SSH2: variants seen among roughly 807,000 people sequenced by gnomAD.
The protein encoded by SSH2 is protein phosphatase Slingshot homolog 2.
SSH2 carries 37 observed loss-of-function variants against 135.2 expected under a neutral mutation model. That is an observed-to-expected ratio of 0.27 (90% CI 0.21 to 0.36). The LOEUF (loss-of-function observed/expected upper bound fraction) is 0.36, where lower values mean the gene tolerates loss of function less well. SSH2 is among the 10% of genes least tolerant of loss of function. The pLI is 1.00. For missense variants in SSH2, 1,408 were observed against 1,765.3 expected, an observed-to-expected ratio of 0.80 and a Z score of 3.63; for synonymous variants, 628 against 646.2, an observed-to-expected ratio of 0.97 and a Z score of 0.43.
chr17:29,679,509 C>T (rs1322673055), intron 6 of SSH2, among the ~76,000 whole-genome samples: 1 of 151,984 alleles, frequency 6.6e-6, no homozygotes, highest in African/African-American at 2.4e-5. Context: ...CTGGTTCAAG[C>T]GATTCTCCTG....
At position 29,671,925 on chromosome 17, in the gene SSH2, A is replaced by G; in HGVS notation, c.809+10T>C. 1.2e-6 allele frequency: 2 copies of G among 1,608,574 alleles called. No homozygotes were observed. The highest frequency in any genetic ancestry group is 1.7e-6 in the Non-Finnish European group (2 of 1,176,144). On this transcript the variant is annotated intron_variant, in intron 9 of 15. Coordinates refer to ENST00000540801, the MANE Select transcript of SSH2 (RefSeq NM_001282129.2). ...AGAGAACTTCCATAATCCTTAGCAAACTGACTTACATGTCGGTGAAGAGAG... is the reference window on the plus strand; with the variant it reads ...AGAGAACTTCCATAATCCTTAGCAAGCTGACTTACATGTCGGTGAAGAGAG...
At chr17:29,813,197 A>G (rs1384527071) in intron 2 of SSH2, among the ~76,000 whole-genome samples, 4 of 151,848 alleles carry the variant, frequency 2.6e-5, no homozygotes. Flanking sequence ...AGCTTGGCCA[A>G]CATGGCGAAA....
chr17:29,701,402 CTCTTT>C (rs2038973768), intron 4 of SSH2, among the ~76,000 whole-genome samples: 1 of 125,084 alleles, frequency 8.0e-6, no homozygotes, highest in Non-Finnish European at 1.6e-5. Context: ...CCGTGCCTGG[CTCTTT>C]TTTTTTTTTT....
intron 3 of SSH2, among the ~76,000 whole-genome samples, chr17:29,709,013 T>TAGAGAGAGAGAG (rs779414759): frequency 1.6e-4 from 14 of 88,174 alleles, no homozygotes; most frequent in Middle Eastern, 6.4e-3. Context: ...TATATATATA[T>TAGAGAGAGAGAG]ATAGAGAGAG....
chr17:29,632,440 G>C lies in SSH2; in HGVS notation c.2754C>G (p.Thr918=), dbSNP rs751034338. The change falls in exon 16 of 16, where the codon ACC becomes ACG. Residue 918 remains threonine, a synonymous_variant. Coordinates refer to ENST00000540801, the MANE Select transcript of SSH2 (RefSeq NM_001282129.2). ...QEHHGAAPTC[T]SLSTRKNSKN... ...TTGAATTCTTACGAGTGGACAATGA[G>C]GTACATGTTGGGGCAGCACCATGAT... 3.1e-6 allele frequency: 5 copies of C among 1,614,198 alleles called. No individual in the cohort carries two copies. In the East Asian group the frequency reaches 1.1e-4, roughly 36 times the overall value.
chr17:29,711,149 T>A (rs2039419232), intron 3 of SSH2, among the ~76,000 whole-genome samples: 1 of 152,210 alleles, frequency 6.6e-6, no homozygotes, highest in Non-Finnish European at 1.5e-5. Flanking sequence ...TGGTTCTTAC[T>A]CATTAACGAT....
intron 3 of SSH2, among the ~76,000 whole-genome samples, chr17:29,749,560 G>C (rs2040865024): frequency 6.6e-6 from 1 of 152,164 alleles, no homozygotes; most frequent in South Asian, 2.1e-4. Context: ...TGGTACACCT[G>C]TAAGGGGCAC....
At chr17:29,667,091 T>A (rs1392513934) in intron 10 of SSH2, 39 bp downstream of exon 10, 1 of 1,604,558 alleles carries the variant, frequency 6.2e-7, no homozygotes, top group South Asian at 1.1e-5. Flanking sequence ...GTTATCCCAC[T>A]GCTAGCCTTG....
At chr17:29,723,704 G>T (rs1193672861) in intron 3 of SSH2, among the ~76,000 whole-genome samples, 2 of 151,310 alleles carry the variant, frequency 1.3e-5, no homozygotes, top group Non-Finnish European at 2.9e-5. Flanking sequence ...AAGGACCAAA[G>T]TGATTCTGGG....
intron 3 of SSH2, among the ~76,000 whole-genome samples, chr17:29,751,385 A>G (rs944455335): frequency 1.3e-5 from 2 of 152,134 alleles, no homozygotes; most frequent in African/African-American, 4.8e-5. Context: ...ATTGCAATGC[A>G]GCCTGGGCAA....
chr17:29,651,885 G>A (rs1200330462), intron 12 of SSH2, among the ~76,000 whole-genome samples: 3 of 152,166 alleles, frequency 2.0e-5, no homozygotes, highest in African/African-American at 7.2e-5. Flanking sequence ...GCTCACGCCT[G>A]TAATCCCAGC....
Position 29,761,144 on chromosome 17 carries a change from A to G in SSH2, c.188+32750T>C, listed in dbSNP as rs190586023. ...CGCGGAGGCGGAGGGCGCGCGGCGG[A>G]CTCACAGCTGGTTGATGGCGTTCTG... On this transcript the variant is annotated intron_variant, in intron 3 of 15. Coordinates refer to ENST00000540801, the MANE Select transcript of SSH2 (RefSeq NM_001282129.2). 7.0e-6 allele frequency: 9 copies of G among 1,288,656 alleles called. No homozygotes were observed. The Admixed American group carries it at 9.2e-5, about 13-fold the overall frequency. The allele number at this position is 1,288,656 out of a possible 1,614,324, so 79.8% of individuals were successfully genotyped here.
intron 1 of SSH2, among the ~76,000 whole-genome samples, chr17:29,914,863 G>A (rs1447144508): frequency 2.0e-5 from 3 of 152,066 alleles, no homozygotes; most frequent in Non-Finnish European, 4.4e-5. Flanking sequence ...AATCTAAGGT[G>A]TACTGTATAC....
chr17:29,756,279 A>G (rs74966979), intron 3 of SSH2, among the ~76,000 whole-genome samples: 24 of 151,506 alleles, frequency 1.6e-4, no homozygotes, highest in Admixed American at 5.3e-4. Context: ...AAAAAAAAAA[A>G]AGAGAGGGAG....
intron 4 of SSH2, among the ~76,000 whole-genome samples, chr17:29,696,440 T>C: frequency 6.8e-6 from 1 of 146,596 alleles, no homozygotes; most frequent in South Asian, 2.2e-4. Context: ...TATGTGTGTG[T>C]ATATATATAC....
intron 1 of SSH2, among the ~76,000 whole-genome samples, chr17:29,923,636 C>T (rs898097661): frequency 8.7e-5 from 13 of 149,060 alleles, no homozygotes; most frequent in African/African-American, 2.2e-4. Context: ...AAAAAAAATC[C>T]GGGGGCAGGG....
intron 11 of SSH2, among the ~76,000 whole-genome samples, chr17:29,662,543 T>A (rs2151024712): frequency 6.6e-6 from 1 of 152,334 alleles, no homozygotes; most frequent in African/African-American, 2.4e-5. Context: ...AAATCATGAA[T>A]GTGATAAAAT....
At chr17:29,774,705 A>G (rs2628180) in intron 3 of SSH2, among the ~76,000 whole-genome samples, 67,292 of 152,038 alleles carry the variant, frequency 0.44, 15,271 homozygotes, top group Non-Finnish European at 0.48. Flanking sequence ...TGCTTTTTTA[A>G]AAATGAAGTT....
At chr17:29,850,768 G>A (rs1446069215) in intron 1 of SSH2, among the ~76,000 whole-genome samples, 2 of 152,136 alleles carry the variant, frequency 1.3e-5, no homozygotes, top group East Asian at 1.9e-4. Flanking sequence ...GGTGGATCAC[G>A]AGGTCAGGAG....
Sources: allele counts gnomAD v4.1 joint callset (sites outside exome capture counted in the v4.1 genomes callset), GRCh38; gene constraint gnomAD v4.1.1; transcripts MANE v1.5; gene names NCBI Gene and HGNC (gene_info 2026-07-23, HGNC 2026-07-21).